The following CFAP54 variants were observed in gnomAD, a reference collection of about 807,000 sequenced individuals.
The protein encoded by CFAP54 is cilia and flagella associated protein 54.
Under a neutral mutation model 370.4 loss-of-function variants are expected in CFAP54, and 290 were observed. The observed-to-expected ratio is 0.78, with a 90% confidence interval of 0.71 to 0.86. The LOEUF is 0.86. Ranked by LOEUF, CFAP54 falls within the 40% of genes least tolerant of loss-of-function variation. CFAP54 has a pLI of 0.00. For synonymous variants in CFAP54, 1,206 were observed against 1,236.5 expected, an observed-to-expected ratio of 0.98 and a Z score of 0.52; for missense variants, 3,399 against 3,528.7, an observed-to-expected ratio of 0.96 and a Z score of 0.93.
intron 40 of CFAP54, among the ~76,000 whole-genome samples, chr12:96,681,719 C>T (rs1468524590): frequency 1.3e-5 from 2 of 152,158 alleles, no homozygotes; most frequent in African/African-American, 4.8e-5. Context: ...TCTCCTGCCT[C>T]AGCCTCCCGA....
At chr12:96,632,561 G>C (rs1211975080) in intron 32 of CFAP54, among the ~76,000 whole-genome samples, 4 of 151,936 alleles carry the variant, frequency 2.6e-5, no homozygotes, top group Non-Finnish European at 4.4e-5. Flanking sequence ...CATATATGTA[G>C]CTTTGGGATC....
At chr12:96,691,400 G>A (rs1592710849) in intron 44 of CFAP54, 90 bp downstream of exon 44, 1 of 886,348 alleles carries the variant, frequency 1.1e-6, no homozygotes, top group Admixed American at 3.5e-5. Flanking sequence ...ATGTTCTTTT[G>A]GTCAGTTACT....
intron 62 of CFAP54, among the ~76,000 whole-genome samples, chr12:96,788,829 T>A (rs1958653980): frequency 6.6e-6 from 1 of 152,200 alleles, no homozygotes; most frequent in Admixed American, 6.5e-5. Flanking sequence ...GCAGTGGCCC[T>A]CAGTGCAATG....
intron 17 of CFAP54, among the ~76,000 whole-genome samples, chr12:96,559,810 A>G (rs539312432): frequency 1.3e-5 from 2 of 152,268 alleles, no homozygotes; most frequent in Admixed American, 6.5e-5. Context: ...CACTCTGAAG[A>G]AAGGTAACAC....
chr12:96,778,481 A>G (rs762952026), intron 60 of CFAP54, among the ~76,000 whole-genome samples: 1 of 152,352 alleles, frequency 6.6e-6, no homozygotes, highest in South Asian at 2.1e-4. Context: ...AAAAGTGCAC[A>G]GCTCACCATC....
At chr12:96,554,950 A>G (rs917629809) in intron 17 of CFAP54, 148 bp downstream of exon 17, 1 of 633,796 alleles carries the variant, frequency 1.6e-6, no homozygotes, top group Non-Finnish European at 2.4e-6. Context: ...TAATATCAAT[A>G]AAAACATAAT....
intron 48 of CFAP54, among the ~76,000 whole-genome samples, chr12:96,713,331 A>C (rs186891489): frequency 5.9e-4 from 90 of 152,280 alleles, no homozygotes; most frequent in Admixed American, 1.0e-3. Flanking sequence ...ATATATATAC[A>C]CGATGAAATA....
chr12:96,819,528 T>C (rs1959009010), intron 65 of CFAP54, among the ~76,000 whole-genome samples: 1 of 152,232 alleles, frequency 6.6e-6, no homozygotes, highest in Non-Finnish European at 1.5e-5. Flanking sequence ...CTGATATATA[T>C]GGATTTAGCT....
chr12:96,708,923 TATA>T, intron 48 of CFAP54, 120 bp downstream of exon 48: 1 of 294,894 alleles, frequency 3.4e-6, no homozygotes, highest in Non-Finnish European at 5.4e-6. Context: ...TCTCTATGCT[TATA>T]TAATGACACA....
rs770355012 is a variant in CFAP54 at position 96,786,857 on chromosome 12, C to T, written c.8638C>T (p.Pro2880Ser). ...AGAACTTCTTTGTCAACTGGAAAAT[C>T]CCCCTCTTTCAGAAAAAGACTTACG... The part of the protein sequence containing the change: ...PKELLCQLEN[P>S]PLSEKDLRES... Residue 2880 changes from proline to serine, a missense_variant, in exon 62 of 68, where the codon CCC becomes TCC. Pro to Ser is a moderately conservative substitution (Grantham distance 74). Around this residue, in one of 3 missense-constraint regions of CFAP54, gnomAD observed 2,796 missense variants for 2,869.7 expected, o/e 0.97. Coordinates refer to ENST00000524981, the MANE Select transcript of CFAP54 (RefSeq NM_001306084.2). The T allele has an allele frequency of 4.2e-5, 64 of 1,535,080 alleles. No homozygotes were observed. Among genetic ancestry groups the T allele is most frequent in the Non-Finnish European group, 5.2e-5 (60 of 1,146,380 alleles).
At chr12:96,730,553 A>G (rs1957909136) in intron 50 of CFAP54, among the ~76,000 whole-genome samples, 1 of 152,244 alleles carries the variant, frequency 6.6e-6, no homozygotes, top group Non-Finnish European at 1.5e-5. Flanking sequence ...TCTATAAATG[A>G]AACAATATAG....
intron 67 of CFAP54, among the ~76,000 whole-genome samples, chr12:96,863,994 A>G (rs1959944168): frequency 6.6e-6 from 1 of 152,158 alleles, no homozygotes; most frequent in African/African-American, 2.4e-5. Context: ...TAAAGCTGTA[A>G]CTTTCTGTGC....
chr12:96,687,856 C>T (rs1013082434), intron 42 of CFAP54, among the ~76,000 whole-genome samples: 1 of 152,212 alleles, frequency 6.6e-6, no homozygotes, highest in African/African-American at 2.4e-5. Context: ...TACAGCCTTC[C>T]TGCCAGAGGG....
chr12:96,791,669 C>A (rs1363411807), intron 62 of CFAP54, among the ~76,000 whole-genome samples: 2 of 151,926 alleles, frequency 1.3e-5, no homozygotes, highest in Non-Finnish European at 2.9e-5. Flanking sequence ...AATTTATAAC[C>A]ACACCCTTAG....
chr12:96,743,070 A>G (rs1210087153), intron 52 of CFAP54, among the ~76,000 whole-genome samples: 1 of 152,204 alleles, frequency 6.6e-6, no homozygotes, highest in Non-Finnish European at 1.5e-5. Context: ...TTCTTAGATC[A>G]CAGCTTGGCA....
At chr12:96,512,445 C>T (rs1393781528) in intron 4 of CFAP54, among the ~76,000 whole-genome samples, 1 of 150,630 alleles carries the variant, frequency 6.6e-6, no homozygotes, top group Non-Finnish European at 1.5e-5. Context: ...CAGGTTCAAG[C>T]GATTTTTCTC....
intron 42 of CFAP54, among the ~76,000 whole-genome samples, chr12:96,686,811 T>C (rs1272719418): frequency 6.6e-6 from 1 of 152,188 alleles, no homozygotes; most frequent in Non-Finnish European, 1.5e-5. Flanking sequence ...GACTTCAACA[T>C]ATGAATTTCT....
At chr12:96,506,889 TTATTTC>T (rs1400674232) in intron 3 of CFAP54, 33 bp from the exon 4 acceptor site, 53 of 1,493,688 alleles carry the variant, frequency 3.5e-5, no homozygotes, top group African/African-American at 1.8e-4. Flanking sequence ...TCCTGGCCAG[TTATTTC>T]TATTTCTATT....
chr12:96,555,897 A>G (rs1340840350), intron 17 of CFAP54, among the ~76,000 whole-genome samples: 2 of 151,968 alleles, frequency 1.3e-5, no homozygotes, highest in Admixed American at 6.6e-5. Context: ...GACCTTTACA[A>G]TCTTTTTACA....
Sources: allele counts gnomAD v4.1 joint callset (sites outside exome capture counted in the v4.1 genomes callset), GRCh38; gene constraint gnomAD v4.1.1; regional missense constraint gnomAD v4.1.1; transcripts MANE v1.5; gene names NCBI Gene and HGNC (gene_info 2026-07-23, HGNC 2026-07-21).